The following RDX variants were observed in gnomAD, a reference collection of about 807,000 sequenced individuals.
RDX encodes radixin, also known as deafness, autosomal recessive 24.
A neutral mutation model predicts 83.7 loss-of-function variants in RDX; 32 were observed. The ratio of observed to expected loss-of-function variants is 0.38; its 90% CI spans 0.29 to 0.51. RDX has a LOEUF of 0.51. Among genes scored for constraint, RDX ranks in the 20% least tolerant of loss-of-function variants. The pLI is 0.87. For missense variants in RDX, 600 were observed against 689.9 expected, an observed-to-expected ratio of 0.87 and a Z score of 1.46; for synonymous variants, 229 against 222.7, an observed-to-expected ratio of 1.03 and a Z score of -0.25.
intron 2 of RDX, chr11:110,273,147 G>C (rs890898288): frequency 2.2e-6 from 1 of 453,260 alleles, no homozygotes. Flanking sequence ...AGGAGTTTGA[G>C]GGCTGCCGTG....
chr11:110,273,502 C>T (rs979447571), intron 2 of RDX, among the ~76,000 whole-genome samples: 1 of 152,224 alleles, frequency 6.6e-6, no homozygotes, highest in Admixed American at 6.5e-5. Context: ...CAACCTTGAT[C>T]TCCTGGACGC....
intron 3 of RDX, among the ~76,000 whole-genome samples, chr11:110,266,797 A>T (rs1214726002): frequency 6.6e-6 from 1 of 152,112 alleles, no homozygotes; most frequent in Non-Finnish European, 1.5e-5. Flanking sequence ...TATGTCGCCA[A>T]GGCTAATCTT....
intron 14 of RDX, among the ~76,000 whole-genome samples, chr11:110,215,135 C>T (rs977789264): frequency 3.3e-5 from 5 of 149,284 alleles, no homozygotes; most frequent in East Asian, 3.9e-4. Flanking sequence ...CCGAGGTGGG[C>T]GGATCACGAG....
intron 14 of RDX, among the ~76,000 whole-genome samples, chr11:110,218,176 C>G (rs554422529): frequency 6.6e-6 from 1 of 152,156 alleles, no homozygotes; most frequent in East Asian, 1.9e-4. Context: ...TGACAGAGGA[C>G]ACTGTTAGAG....
intron 14 of RDX, among the ~76,000 whole-genome samples, chr11:110,203,905 G>A (rs906948064): frequency 1.3e-5 from 2 of 152,068 alleles, no homozygotes; most frequent in African/African-American, 4.8e-5. Context: ...AAATTAGGCT[G>A]GTGCCATGTG....
chr11:110,248,899 T>C (rs896420768), intron 9 of RDX, among the ~76,000 whole-genome samples: 9 of 152,146 alleles, frequency 5.9e-5, no homozygotes, highest in Admixed American at 2.6e-4. Context: ...CAATTTCACC[T>C]CCCTTCACAA....
intron 15 of RDX, among the ~76,000 whole-genome samples, chr11:110,190,539 T>C (rs1225633301): frequency 6.6e-6 from 1 of 151,990 alleles, no homozygotes; most frequent in East Asian, 1.9e-4. Context: ...CTACAGGAAC[T>C]AGAAAAACAA....
intron 14 of RDX, among the ~76,000 whole-genome samples, chr11:110,204,514 C>CTTTTTTTTTTTT: frequency 9.3e-6 from 1 of 107,732 alleles, no homozygotes; most frequent in Non-Finnish European, 1.8e-5. Flanking sequence ...TTTTTTTTTC[C>CTTTTTTTTTTTT]TTTTTTTTTT....
intron 15 of RDX, among the ~76,000 whole-genome samples, chr11:110,197,741 T>C (rs1284299777): frequency 1.3e-5 from 2 of 152,152 alleles, no homozygotes; most frequent in African/African-American, 2.4e-5. Context: ...TGGCTAAAGA[T>C]AAATAGCTAA....
intron 15 of RDX, among the ~76,000 whole-genome samples, chr11:110,194,461 C>T (rs1174491991): frequency 6.6e-6 from 1 of 152,202 alleles, no homozygotes. Context: ...CTCAACTGAT[C>T]CGCCCACCTC....
At chr11:110,232,277 C>G (rs1864669205) in intron 13 of RDX, among the ~76,000 whole-genome samples, 1 of 152,094 alleles carries the variant, frequency 6.6e-6, no homozygotes, top group African/African-American at 2.4e-5. Context: ...ACTTTCTAAT[C>G]TAATACTTGA....
At chr11:110,289,837 T>C (rs1002035295) in intron 1 of RDX, among the ~76,000 whole-genome samples, 2 of 151,134 alleles carry the variant, frequency 1.3e-5, no homozygotes, top group African/African-American at 4.9e-5. Context: ...TGTGCATCTG[T>C]AGTCCCAACT....
At chr11:110,258,941 G>A (rs969906229) in intron 5 of RDX, among the ~76,000 whole-genome samples, 5 of 138,896 alleles carry the variant, frequency 3.6e-5, no homozygotes, top group Admixed American at 8.1e-5. Context: ...GCACAATCTC[G>A]GTTCACTGCA....
At chr11:110,296,277 G>A (rs1187879495) in intron 1 of RDX, among the ~76,000 whole-genome samples, 190 bp downstream of exon 1, 1 of 152,014 alleles carries the variant, frequency 6.6e-6, no homozygotes, top group Non-Finnish European at 1.5e-5. Flanking sequence ...CCAGCCCCGG[G>A]AGGAGCCTGG....
chr11:110,296,272 C>T (rs1413372021), intron 1 of RDX, among the ~76,000 whole-genome samples, 195 bp downstream of exon 1: 3 of 152,064 alleles, frequency 2.0e-5, no homozygotes, highest in Non-Finnish European at 4.4e-5. Flanking sequence ...CCCTACCAGC[C>T]CCGGGAGGAG....
At chr11:110,279,856 G>A in intron 1 of RDX, 100 bp from the exon 2 acceptor site, 1 of 551,852 alleles carries the variant, frequency 1.8e-6, no homozygotes, top group Non-Finnish European at 3.2e-6. Flanking sequence ...TTGAAAAGGT[G>A]GATTTAAAGT....
Position 110,190,454 on chromosome 11 carries a change from TTAAA to T in RDX, c.*31+9123_*31+9126del, listed in dbSNP as rs201489509. Among the ~76,000 whole-genome samples, 1,421 of 152,204 alleles carry T rather than the reference TTAAA, an allele frequency of 9.3e-3. 28 individuals are homozygous for T. Among genetic ancestry groups the T allele is most frequent in the African/African-American group, 0.033 (1,352 of 41,506 alleles). ...AGGTGATAGAGAGCAAGTCTCCATC[TTAAA>T]TAAATAAATAAATATAAATGCTTAC... On this transcript the variant is annotated intron_variant, in intron 15 of 15. Coordinates refer to the RDX transcript ENST00000528498.
chr11:110,192,382 T>C (rs1385259920), intron 15 of RDX, among the ~76,000 whole-genome samples: 3 of 152,182 alleles, frequency 2.0e-5, no homozygotes, highest in African/African-American at 7.2e-5. Context: ...ATACAAAAAG[T>C]GACTCAAGCT....
chr11:110,195,128 T>C (rs569354799), intron 15 of RDX, among the ~76,000 whole-genome samples: 1 of 152,050 alleles, frequency 6.6e-6, no homozygotes, highest in African/African-American at 2.4e-5. Context: ...GTAGCTGGGA[T>C]TACAGGCACA....
Sources: allele counts gnomAD v4.1 joint callset (sites outside exome capture counted in the v4.1 genomes callset), GRCh38; gene constraint gnomAD v4.1.1; transcripts MANE v1.5; gene names NCBI Gene and HGNC (gene_info 2026-07-23, HGNC 2026-07-21).